Variants in PLCB1 observed in about 807,000 individuals in gnomAD.
PLCB1 encodes phospholipase C beta 1.
PLCB1 carries 46 observed loss-of-function variants against 161.8 expected under a neutral mutation model. The observed-to-expected ratio is 0.28, with a 90% CI of 0.22 to 0.36. PLCB1 has a LOEUF of 0.36. Ranked by LOEUF, PLCB1 falls within the 10% of genes least tolerant of loss-of-function variation. The probability of loss-of-function intolerance (pLI) is 1.00; values close to 1 mark genes in which losing one functional copy is unlikely to be tolerated. For missense variants in PLCB1, 1,016 were observed against 1,472.5 expected (o/e 0.69, Z 5.07); for synonymous variants, 517 against 503.7 (o/e 1.03, Z -0.35).
intron 3 of PLCB1, among the ~76,000 whole-genome samples, chr20:8,523,496 C>CTCTCTATATATATATATA: frequency 1.9e-5 from 1 of 51,630 alleles, no homozygotes; most frequent in Non-Finnish European, 3.7e-5. Context: ...CTCTCTCTCT[C>CTCTCTATATATATATATA]TATATATATA....
chr20:8,645,042 A>G (rs917207835), intron 4 of PLCB1, among the ~76,000 whole-genome samples: 2 of 152,160 alleles, frequency 1.3e-5, no homozygotes, highest in African/African-American at 4.8e-5. Context: ...TCTCTGAAAC[A>G]TGTGCTGTGT....
At chr20:8,633,811 A>G (rs2123239924) in intron 4 of PLCB1, among the ~76,000 whole-genome samples, 1 of 152,298 alleles carries the variant, frequency 6.6e-6, no homozygotes, top group East Asian at 1.9e-4. Flanking sequence ...TAACACCTCT[A>G]TATCGGCAGT....
chr20:8,202,911 G>A (rs1157505227), intron 2 of PLCB1, among the ~76,000 whole-genome samples: 1 of 152,144 alleles, frequency 6.6e-6, no homozygotes, highest in Non-Finnish European at 1.5e-5. Context: ...TTTGGTCTAG[G>A]CCTTGAAGAG....
At chr20:8,695,482 G>A (rs6133606) in intron 10 of PLCB1, among the ~76,000 whole-genome samples, 15,111 of 152,184 alleles carry the variant, frequency 0.099, 1,087 homozygotes, top group East Asian at 0.32. Flanking sequence ...CAGGAGGATC[G>A]GTTGAGCCCA....
At chr20:8,470,463 A>G (rs1982003156) in intron 3 of PLCB1, among the ~76,000 whole-genome samples, 3 of 152,100 alleles carry the variant, frequency 2.0e-5, no homozygotes, top group Admixed American at 1.3e-4. Context: ...TGGGTGTGAA[A>G]TGGTATCTTG....
At chr20:8,623,404 A>C (rs902595207) in intron 3 of PLCB1, among the ~76,000 whole-genome samples, 5 of 152,310 alleles carry the variant, frequency 3.3e-5, no homozygotes, top group African/African-American at 1.2e-4. Context: ...TTTCAGATGA[A>C]GATGCATGGC....
At chr20:8,834,924 T>G (rs1401603880) in intron 31 of PLCB1, among the ~76,000 whole-genome samples, 1 of 151,852 alleles carries the variant, frequency 6.6e-6, no homozygotes, top group Non-Finnish European at 1.5e-5. Context: ...CAGGGGAATG[T>G]TAACCTTTGT....
intron 23 of PLCB1, among the ~76,000 whole-genome samples, chr20:8,752,590 C>T (rs6056064): frequency 0.014 from 2,141 of 151,806 alleles, 49 homozygotes; most frequent in African/African-American, 0.049. Flanking sequence ...GTCAGGAGTT[C>T]GAGACCAGCC....
intron 13 of PLCB1, among the ~76,000 whole-genome samples, chr20:8,717,165 G>A (rs1484695682): frequency 1.3e-5 from 2 of 152,160 alleles, no homozygotes; most frequent in African/African-American, 2.4e-5. Flanking sequence ...ATCCACTTCT[G>A]TTGATGCCAG....
chr20:8,169,385 T>C (rs1378630218), intron 2 of PLCB1, among the ~76,000 whole-genome samples: 1 of 152,110 alleles, frequency 6.6e-6, no homozygotes, highest in African/African-American at 2.4e-5. Flanking sequence ...TTCTACAAAC[T>C]AGAAATAATA....
At chr20:8,610,489 G>T (rs1176634218) in intron 3 of PLCB1, among the ~76,000 whole-genome samples, 1 of 152,028 alleles carries the variant, frequency 6.6e-6, no homozygotes, top group East Asian at 1.9e-4. Flanking sequence ...TTTCTCGTAG[G>T]TATATACCTA....
At chr20:8,643,800 T>G (rs74183566) in intron 4 of PLCB1, among the ~76,000 whole-genome samples, 4 of 133,442 alleles carry the variant, frequency 3.0e-5, no homozygotes, top group Non-Finnish European at 3.2e-5. Context: ...CCTCTCCCCA[T>G]GGTCTCCCTC....
intron 3 of PLCB1, among the ~76,000 whole-genome samples, chr20:8,507,020 A>G (rs373498175): frequency 1.9e-4 from 29 of 152,326 alleles, no homozygotes; most frequent in African/African-American, 7.0e-4. Context: ...CAGGAGCCTT[A>G]CCAATAACAT....
intron 2 of PLCB1, among the ~76,000 whole-genome samples, chr20:8,285,522 A>G (rs1453634766): frequency 6.6e-6 from 1 of 152,142 alleles, no homozygotes. Flanking sequence ...TGGATATTAC[A>G]GTCATAGGTT....
chr20:8,670,866 A>G (rs1297102653), intron 9 of PLCB1, among the ~76,000 whole-genome samples: 1 of 152,238 alleles, frequency 6.6e-6, no homozygotes, highest in Non-Finnish European at 1.5e-5. Flanking sequence ...GAGCTGATCT[A>G]GCAGAATTCG....
chr20:8,800,448 C>T (rs1043341395), intron 31 of PLCB1, among the ~76,000 whole-genome samples: 2 of 152,146 alleles, frequency 1.3e-5, no homozygotes, highest in African/African-American at 4.8e-5. Flanking sequence ...GTCACACACA[C>T]ACACACATAT....
At chr20:8,417,471 TA>T (rs1332994476) in intron 3 of PLCB1, among the ~76,000 whole-genome samples, 1 of 151,220 alleles carries the variant, frequency 6.6e-6, no homozygotes, top group South Asian at 2.1e-4. Context: ...TAGTTCTAGG[TA>T]AAAACAGTGT....
At chr20:8,736,342 T>C (rs1193170122) in intron 19 of PLCB1, among the ~76,000 whole-genome samples, 1 of 152,220 alleles carries the variant, frequency 6.6e-6, no homozygotes, top group African/African-American at 2.4e-5. Flanking sequence ...TATCCATTAG[T>C]TCTGTAGCTA....
intron 3 of PLCB1, among the ~76,000 whole-genome samples, chr20:8,568,176 A>G (rs560988485): frequency 6.6e-6 from 1 of 152,308 alleles, no homozygotes; most frequent in Non-Finnish European, 1.5e-5. Context: ...AAACAGCCCA[A>G]ACCAAATATA....
Sources: gnomAD v4.1 joint callset for allele counts (sites outside exome capture counted in the v4.1 genomes callset) on GRCh38, gnomAD v4.1.1 for gene constraint, MANE v1.5 for transcripts, NCBI Gene and HGNC (gene_info 2026-07-23, HGNC 2026-07-21) for gene names.